The following ZNF616 variants were observed in gnomAD, a reference collection of about 807,000 sequenced individuals.
The protein encoded by ZNF616 is zinc finger protein 616.
In ZNF616, 5 loss-of-function variants were observed where a neutral mutation model predicts 7.6. The observed-to-expected ratio is 0.66, with a 90% CI of 0.34 to 1.38. The LOEUF (loss-of-function observed/expected upper bound fraction) is 1.38, where lower values mean the gene tolerates loss of function less well. ZNF616 is among the 40% of genes most tolerant of loss of function. The probability of loss-of-function intolerance (pLI) is 0.04; values close to 1 mark genes in which losing one functional copy is unlikely to be tolerated. For synonymous variants in ZNF616, 319 were observed against 317.2 expected (o/e 1.01, Z -0.06); for missense variants, 913 against 948.3 (o/e 0.96, Z 0.49).
At position 52,115,491 on chromosome 19, in the gene ZNF616, A is replaced by T; in HGVS notation, c.1673T>A (p.Phe558Tyr). The T allele has an allele frequency of 6.2e-7, 1 of 1,614,138 alleles. No individual in the cohort carries two copies. Among genetic ancestry groups the T allele is most frequent in the Non-Finnish European group, 8.5e-7 (1 of 1,180,014 alleles). ...CACTGTAAGACGTGAACATTGACTG[A>T]AGACCTTGCCACATTCTTTGCATTT... is the stretch of plus-strand genomic sequence containing the variant. Reference protein sequence around the residue: ...PYKCKECGKVFSQCSRLTVHR... With the variant: ...PYKCKECGKVYSQCSRLTVHR... Residue 558 changes from phenylalanine (F) to tyrosine (Y), a missense_variant, in exon 4 of 4, where the codon TTC (phenylalanine) becomes TAC (tyrosine). Phe to Tyr is a conservative substitution (Grantham distance 22). Coordinates refer to ENST00000600228, the MANE Select transcript of ZNF616 (RefSeq NM_178523.5).
chr19:52,129,655 A>G (rs1476329157), intron 2 of ZNF616, among the ~76,000 whole-genome samples: 2 of 152,174 alleles, frequency 1.3e-5, no homozygotes, highest in Non-Finnish European at 2.9e-5. Flanking sequence ...AACACGCTCT[A>G]ATGTCTGTAT....
intron 3 of ZNF616, among the ~76,000 whole-genome samples, chr19:52,117,281 G>A (rs866411981): frequency 2.6e-5 from 4 of 152,084 alleles, no homozygotes; most frequent in African/African-American, 7.2e-5. Context: ...CTTATGTTGT[G>A]CAAACATATA....
At chr19:52,119,351 G>GA (rs573945311) in intron 3 of ZNF616, among the ~76,000 whole-genome samples, 315 of 151,046 alleles carry the variant, frequency 2.1e-3, no homozygotes, top group African/African-American at 7.4e-3. Context: ...ACTCCAGCCT[G>GA]AGCGACAAAG....
chr19:52,137,140 C>A (rs941866830), intron 1 of ZNF616, among the ~76,000 whole-genome samples: 1 of 151,008 alleles, frequency 6.6e-6, no homozygotes, highest in Non-Finnish European at 1.5e-5. Context: ...AAAATCCTGC[C>A]GGGCACAGTG....
At chr19:52,137,417 ACT>A (rs1184484132) in intron 1 of ZNF616, among the ~76,000 whole-genome samples, 5 of 151,928 alleles carry the variant, frequency 3.3e-5, no homozygotes, top group Non-Finnish European at 4.4e-5. Flanking sequence ...AGCGAGCGAG[ACT>A]CTGTCTCAAA....
chr19:52,136,144 CG>C (rs376361289), intron 1 of ZNF616, among the ~76,000 whole-genome samples: 2,272 of 53,092 alleles, frequency 0.043, 86 homozygotes, highest in African/African-American at 0.12. Flanking sequence ...AAAAAAAAAG[CG>C]GGGGGGGGAC....
At position 52,115,164 on chromosome 19, in the gene ZNF616, CCA is replaced by C. The variant is rs1342971616; in HGVS notation, c.1998_1999del (p.Cys666TrpfsTer5). 1.2e-6 allele frequency: 2 copies of C among 1,614,006 alleles called. No individual in the cohort carries two copies. The highest frequency in any genetic ancestry group is 1.3e-5 in the African/African-American group (1 of 74,886). ...GTTTGAGCTCCGTTTAAAGGTTTTG[CCA>C]CACTCATTACATTTGTAAGGTCTGT... On this transcript the variant is annotated frameshift_variant, in exon 4 of 4. Transcript: ENST00000600228. LOFTEE classifies it low-confidence loss of function (END_TRUNC).
At chr19:52,135,546 G>T (rs4802894) in intron 1 of ZNF616, among the ~76,000 whole-genome samples, 2 of 151,958 alleles carry the variant, frequency 1.3e-5, no homozygotes, top group African/African-American at 2.4e-5. Context: ...AAGTCACTAT[G>T]GAGAGTGCCT....
Position 52,139,321 on chromosome 19 carries a change from G to A in ZNF616, c.-77+411C>T, listed in dbSNP as rs565055263. Among the ~76,000 whole-genome samples the A allele has an allele frequency of 1.0e-3, 153 of 152,306 alleles. No individual in the cohort carries two copies. The highest frequency in any genetic ancestry group is 3.6e-3 in the African/African-American group (148 of 41,564). On this transcript the variant is annotated intron_variant, in intron 1 of 3. Transcript: ENST00000600228. The surrounding 1 kb of genome is among the most constrained non-coding windows in gnomAD (Gnocchi z 4.1). Reference sequence around the variant, plus strand: ...CTCCTGCAACGCGGAGTCAGGAAAAGCAGTGGCTGTGAAGGGGCAGCCTGG... The same window carrying A: ...CTCCTGCAACGCGGAGTCAGGAAAAACAGTGGCTGTGAAGGGGCAGCCTGG...
chr19:52,118,693 G>T (rs1350742895), intron 3 of ZNF616, among the ~76,000 whole-genome samples: 1 of 151,956 alleles, frequency 6.6e-6, no homozygotes, highest in East Asian at 1.9e-4. Flanking sequence ...TGCTGACTAG[G>T]GTAAAGCCAA....
chr19:52,119,590 T>A (rs1373853676), intron 3 of ZNF616, among the ~76,000 whole-genome samples: 1 of 151,650 alleles, frequency 6.6e-6, no homozygotes, highest in Non-Finnish European at 1.5e-5. Context: ...GGGCAAGGAG[T>A]AATGTGCATG....
rs1306298417 is a variant in ZNF616, at chr19:52,115,372, C to T, written c.1792G>A (p.Val598Ile). ...TTGTATGGTTTCTCTCCAGTATGAA[C>T]TCTTCGATGCCCTACAAGATGTGAA... ...QYSHLVGHRR[V>I]HTGEKPYKCH... Residue 598 changes from valine (V) to isoleucine (I), a missense_variant, in exon 4 of 4, where the codon GTT (valine) becomes ATT (isoleucine). Physicochemically the swap from Val to Ile is conservative, Grantham distance 29. Transcript: ENST00000600228. 20 of 1,613,694 alleles carry T rather than the reference C, an allele frequency of 1.2e-5. No individual in the cohort carries two copies. Among genetic ancestry groups the T allele is most frequent in the Non-Finnish European group, 1.7e-5 (20 of 1,179,946 alleles).
At chr19:52,123,507 G>T (rs758038652) in intron 3 of ZNF616, among the ~76,000 whole-genome samples, 2 of 152,014 alleles carry the variant, frequency 1.3e-5, no homozygotes, top group Non-Finnish European at 2.9e-5. Context: ...TGGCACGCAC[G>T]CATAATTCCA....
chr19:52,116,123 A>G lies in ZNF616; in HGVS notation c.1041T>C (p.His347=), dbSNP rs1568558221. 4.3e-6 allele frequency: 7 copies of G among 1,614,154 alleles called. No individual in the cohort carries two copies. Among genetic ancestry groups the G allele is most frequent in the Middle Eastern group, 1.6e-4 (1 of 6,062 alleles). ...SSNLTVHQVI[H]AGKKPYKCDV... Reference sequence around the variant, plus strand: ...CACATTTATATGGTTTCTTTCCTGCATGGATTACCTGATGTACAGTGAGGT... The same window carrying G: ...CACATTTATATGGTTTCTTTCCTGCGTGGATTACCTGATGTACAGTGAGGT... The change falls in exon 4 of 4, where the codon CAT becomes CAC. Residue 347 remains histidine, a synonymous_variant. Coordinates refer to ENST00000600228, the MANE Select transcript of ZNF616 (RefSeq NM_178523.5).
chr19:52,122,855 C>T (rs151232968), intron 3 of ZNF616, among the ~76,000 whole-genome samples: 6,062 of 151,990 alleles, frequency 0.04, 387 homozygotes, highest in African/African-American at 0.13. Flanking sequence ...AGGATGGTCT[C>T]GATCTCCTGA....
At chr19:52,138,829 C>G (rs1347584755) in intron 1 of ZNF616, 1 of 152,634 alleles carries the variant, frequency 6.6e-6, no homozygotes, top group Non-Finnish European at 1.5e-5. Flanking sequence ...TCCCTCTACT[C>G]TCCTTTGTTA....
rs2088814829 is a variant in ZNF616, at chr19:52,115,751, G to T, written c.1413C>A (p.Gly471=). 1 of 1,614,100 alleles carries T rather than the reference G, an allele frequency of 6.2e-7. No homozygotes were observed. Among genetic ancestry groups the T allele is most frequent in the Admixed American group, 1.7e-5 (1 of 60,002 alleles). The part of the protein sequence containing the change: ...GEKAYKCNEC[G]KVFSIHSRLA... Reference sequence around the variant, plus strand: ...GTCGTGAATGTATGCTGAAAACTTTGCCACATTCATTGCATTTATAAGCTT... The same window carrying T: ...GTCGTGAATGTATGCTGAAAACTTTTCCACATTCATTGCATTTATAAGCTT... The change falls in exon 4 of 4, where the codon GGC becomes GGA. Residue 471 remains glycine (G), a synonymous_variant. Transcript: ENST00000600228.
chr19:52,121,379 A>T (rs2088863407), intron 3 of ZNF616, among the ~76,000 whole-genome samples: 1 of 152,248 alleles, frequency 6.6e-6, no homozygotes, highest in African/African-American at 2.4e-5. Context: ...AAAAAAAATT[A>T]GAATATCAAA....
intron 3 of ZNF616, among the ~76,000 whole-genome samples, chr19:52,120,617 A>C (rs1256246962): frequency 6.6e-6 from 1 of 152,202 alleles, no homozygotes; most frequent in Non-Finnish European, 1.5e-5. Flanking sequence ...TGAAAGGGTG[A>C]AAAAAGATAT....
Sources: allele counts gnomAD v4.1 joint callset (sites outside exome capture counted in the v4.1 genomes callset), GRCh38; gene constraint gnomAD v4.1.1; non-coding constraint Gnocchi (gnomAD v3.1); transcripts MANE v1.5; gene names NCBI Gene and HGNC (gene_info 2026-07-23, HGNC 2026-07-21).